The following PARP1 variants were observed in gnomAD, a reference collection of about 807,000 sequenced individuals.
The protein encoded by PARP1 is poly(ADP-ribose) polymerase 1, also known as poly [ADP-ribose] polymerase 1.
In PARP1, 44 loss-of-function variants were observed where a neutral mutation model predicts 118.7. The ratio of observed to expected loss-of-function variants is 0.37; its 90% confidence interval spans 0.29 to 0.48. The LOEUF (loss-of-function observed/expected upper bound fraction) is 0.48, where lower values mean the gene tolerates loss of function less well. PARP1 is among the 20% of genes least tolerant of loss of function. The probability of loss-of-function intolerance (pLI) is 0.99; values close to 1 mark genes in which losing one functional copy is unlikely to be tolerated. For missense variants in PARP1, 1,100 were observed against 1,272.4 expected (o/e 0.86, Z 2.06); for synonymous variants, 492 against 483.2 (o/e 1.02, Z -0.24).
chr1:226,372,011 A>G (rs1223229658), intron 14 of PARP1, among the ~76,000 whole-genome samples: 8 of 152,152 alleles, frequency 5.3e-5, no homozygotes, highest in Admixed American at 5.2e-4. Flanking sequence ...TGGGAGAAAC[A>G]CCTTGGCACT....
rs912608088 is a variant in PARP1 at position 226,366,221 on chromosome 1, G to A, written c.2407-169C>T. ...TGTGGGCTGGGCAGATCCTGGGCCA[G>A]TGGCTCCACTTACCTAAGCCTCCAC... On this transcript the variant is annotated intron_variant, in intron 17 of 22. Transcript: ENST00000366794. The A allele has an allele frequency of 7.5e-5, 49 of 650,000 alleles. No individual in the cohort carries two copies. In the East Asian group the frequency reaches 1.3e-3, roughly 18 times the overall value. 40.3% of individuals were successfully genotyped at this position (650,000 alleles called of 1,614,324 possible).
rs992789472 is a variant in PARP1, at chr1:226,360,891, G to A, written c.*569C>T. 3.1e-5 allele frequency: 7 copies of A among 226,532 alleles called. No individual in the cohort carries two copies. Among genetic ancestry groups the A allele is most frequent in the Non-Finnish European group, 8.8e-6 (1 of 114,014 alleles). 14.0% of individuals were successfully genotyped at this position (226,532 alleles called of 1,614,324 possible). ...GAAAGCTCTTTTTGTTTCTAAGTAT[G>A]AGAAATTGTTAGCGTTCCTTCCTTT... On this transcript the variant is annotated 3_prime_UTR_variant, in exon 23 of 23. Transcript: ENST00000366794.
chr1:226,402,725 T>A (rs1428588630), intron 1 of PARP1, among the ~76,000 whole-genome samples: 1 of 152,200 alleles, frequency 6.6e-6, no homozygotes, highest in East Asian at 1.9e-4. Context: ...GTGAGCTGCC[T>A]CATGGCCTAG....
In PARP1 at chr1:226,388,739, C is replaced by T; in HGVS notation, c.634G>A (p.Glu212Lys). Reference protein sequence around the residue: ...VKSEGKRKGDEVDGVDEVAKK... With the variant: ...VKSEGKRKGDKVDGVDEVAKK... ...GCCACTTCATCCACTCCATCCACCT[C>T]ATCGCCTTTTCTCTTTCTGAAGGAG... The change falls in exon 5 of 23, where the codon GAG becomes AAG. Residue 212 changes from glutamate (E) to lysine (K), a missense_variant. Coordinates refer to ENST00000366794, the MANE Select transcript of PARP1 (RefSeq NM_001618.4). 2 of 1,613,894 alleles carry T rather than the reference C, an allele frequency of 1.2e-6. 1 individual carries two copies. The highest frequency in any genetic ancestry group is 2.2e-5 in the South Asian group (2 of 91,072).
rs1359923150 is a variant in PARP1, at chr1:226,390,417, T to TC, written c.609dup (p.Ser204GlufsTer2). On this transcript the variant is annotated frameshift_variant, in exon 4 of 23. Coordinates refer to ENST00000366794, the MANE Select transcript of PARP1 (RefSeq NM_001618.4). LOFTEE classifies it high-confidence loss of function. ...CCGCAGTGCTCCACCCACCCTTCACTCTTGACTCCTGGGAGCTGCTTCTTC... is the reference window on the plus strand; with the variant it reads ...CCGCAGTGCTCCACCCACCCTTCACTCCTTGACTCCTGGGAGCTGCTTCTTC... 1 of 1,613,448 alleles carries TC rather than the reference T, an allele frequency of 6.2e-7. No homozygotes were observed. Among genetic ancestry groups the TC allele is most frequent in the Admixed American group, 1.7e-5 (1 of 59,986 alleles).
At chr1:226,381,018 A>G (rs770645116) in intron 9 of PARP1, 50 bp downstream of exon 9, 9 of 1,606,114 alleles carry the variant, frequency 5.6e-6, no homozygotes, top group Admixed American at 1.7e-5. Flanking sequence ...CATCACAATC[A>G]TAAGATACAG....
chr1:226,393,780 A>G (rs1163538541), intron 2 of PARP1, among the ~76,000 whole-genome samples: 1 of 152,246 alleles, frequency 6.6e-6, no homozygotes, highest in Non-Finnish European at 1.5e-5. Context: ...TCTATGCTAG[A>G]TATGTATAAG....
chr1:226,379,796 T>C (rs1664568791), intron 10 of PARP1, 126 bp downstream of exon 10: 3 of 1,498,590 alleles, frequency 2.0e-6, no homozygotes, highest in Non-Finnish European at 2.8e-6. Context: ...CCTGCCATTC[T>C]GTGTCCTGCT....
chr1:226,386,589 T>G, intron 5 of PARP1, 147 bp from the exon 6 acceptor site: 1 of 743,802 alleles, frequency 1.3e-6, no homozygotes, highest in East Asian at 2.5e-5. Flanking sequence ...TAGCACAGGA[T>G]TTGACTCCCA....
intron 17 of PARP1, 137 bp downstream of exon 17, chr1:226,367,343 T>C (rs1576391180): frequency 9.3e-7 from 1 of 1,073,714 alleles, no homozygotes; most frequent in East Asian, 2.4e-5. Context: ...GGGAACTTGT[T>C]AGAAAAGTGA....
chr1:226,368,857 C>T (rs1256239106), intron 15 of PARP1, among the ~76,000 whole-genome samples: 3 of 152,212 alleles, frequency 2.0e-5, no homozygotes, highest in Non-Finnish European at 4.4e-5. Context: ...GCCAGTGTCA[C>T]TTGGTGCTCT....
chr1:226,382,225 A>G (rs1318058077), intron 8 of PARP1, among the ~76,000 whole-genome samples: 1 of 152,218 alleles, frequency 6.6e-6, no homozygotes, highest in South Asian at 2.1e-4. Flanking sequence ...TGAGTAAACA[A>G]GCAGCGGGTC....
intron 5 of PARP1, 89 bp downstream of exon 5, chr1:226,388,567 G>T: frequency 1.1e-6 from 1 of 912,566 alleles, no homozygotes; most frequent in Non-Finnish European, 1.8e-6. Context: ...TTAATAAGTG[G>T]GACACAACTC....
intron 2 of PARP1, chr1:226,402,009 C>G (rs1172083845): frequency 2.0e-6 from 3 of 1,488,478 alleles, no homozygotes; most frequent in Admixed American, 2.4e-5. Context: ...TTCCAAGCAC[C>G]TGGAAAAACA....
At chr1:226,361,640 G>A (rs1664141912) in intron 22 of PARP1, 99 bp from the exon 23 acceptor site, 1 of 890,784 alleles carries the variant, frequency 1.1e-6, no homozygotes, top group South Asian at 1.4e-5. Flanking sequence ...GTGCCAGCCT[G>A]AAAGTCACTC....
intron 20 of PARP1, 119 bp downstream of exon 20, chr1:226,363,824 G>T: frequency 9.8e-7 from 1 of 1,019,492 alleles, no homozygotes; most frequent in Non-Finnish European, 1.5e-6. Context: ...AATCCTAATT[G>T]GTGCGTCCAG....
In PARP1 at chr1:226,380,031, C is replaced by T. The variant is rs768486381; in HGVS notation, c.1434G>A (p.Leu478=). Reference sequence around the variant, plus strand: ...CCTTCACCTCTGCCCCCCAAGGGGACAAGATGTGCGCTAAGAACAACTCCT... The same window carrying T: ...CCTTCACCTCTGCCCCCCAAGGGGATAAGATGTGCGCTAAGAACAACTCCT... ...SLQELFLAHI[L]SPWGAEVKAE... Residue 478 remains leucine (L), a synonymous_variant, in exon 10 of 23, where the codon TTG becomes TTA. Transcript: ENST00000366794. The T allele has an allele frequency of 6.2e-7, 1 of 1,614,218 alleles. No individual in the cohort carries two copies. Among genetic ancestry groups the T allele is most frequent in the East Asian group, 2.2e-5 (1 of 44,880 alleles).
At position 226,386,370 on chromosome 1, in the gene PARP1, G is replaced by C; in HGVS notation, c.790C>G (p.Leu264Val). ...KVCSTNDLKELLIFNKQQVPS... is the reference protein window; with the variant it reads ...KVCSTNDLKEVLIFNKQQVPS... Reference sequence around the variant, plus strand: ...ACTTGCTGCTTGTTGAAGATGAGTAGCTCCTTCAGGTCATTAGTTGAACAC... The same window carrying C: ...ACTTGCTGCTTGTTGAAGATGAGTACCTCCTTCAGGTCATTAGTTGAACAC... The change falls in exon 6 of 23, where the codon CTA becomes GTA. Residue 264 changes from leucine (L) to valine (V), a missense_variant. Physicochemically the swap from Leu to Val is conservative, Grantham distance 32. This residue lies in a region of PARP1 where 948 missense variants were observed against 1,031.8 expected (regional missense o/e 0.92). Transcript: ENST00000366794. 1 of 1,613,766 alleles carries C rather than the reference G, an allele frequency of 6.2e-7. No homozygotes were observed. The highest frequency in any genetic ancestry group is 2.2e-5 in the East Asian group (1 of 44,874).
At chr1:226,373,504 G>A (rs538151041) in intron 14 of PARP1, among the ~76,000 whole-genome samples, 2 of 152,228 alleles carry the variant, frequency 1.3e-5, no homozygotes, top group East Asian at 1.9e-4. Flanking sequence ...CAAGGGGGCC[G>A]CCCTTTTGCA....
Sources: gnomAD v4.1 joint callset for allele counts (sites outside exome capture counted in the v4.1 genomes callset) on GRCh38, gnomAD v4.1.1 for gene constraint, gnomAD v4.1.1 regional missense constraint, MANE v1.5 for transcripts, NCBI Gene and HGNC (gene_info 2026-07-23, HGNC 2026-07-21) for gene names.